Variants in AHCY observed in about 807,000 individuals in gnomAD.
AHCY encodes the protein S-adenosyl-L-homocysteine hydrolase.
Under a neutral mutation model 45.4 loss-of-function variants are expected in AHCY, and 24 were observed. The ratio of observed to expected loss-of-function variants is 0.53; its 90% CI spans 0.38 to 0.74. The LOEUF is 0.74. Ranked by LOEUF, AHCY falls within the 30% of genes least tolerant of loss-of-function variation. The pLI is 0.00. For missense variants in AHCY, 449 were observed against 594.1 expected, an observed-to-expected ratio of 0.76 and a Z score of 2.54; for synonymous variants, 245 against 235.1, an observed-to-expected ratio of 1.04 and a Z score of -0.39.
At chr20:34,276,092 C>T (rs1282588575), downstream of AHCY, among the ~76,000 whole-genome samples, 1 of 152,146 alleles carries the variant, frequency 6.6e-6, no homozygotes. Flanking sequence ...GAAGACAGTA[C>T]CTTTTCTGTT....
At chr20:34,247,817 A>G in the AHCY span, among the ~76,000 whole-genome samples, 1 of 152,010 alleles carries the variant, frequency 6.6e-6, no homozygotes, top group Non-Finnish European at 1.5e-5. Context: ...GGCTGGTCTC[A>G]AACTCCTGGT....
chr20:34,270,584 A>T, the AHCY span, among the ~76,000 whole-genome samples: 2 of 152,232 alleles, frequency 1.3e-5, no homozygotes, highest in East Asian at 3.8e-4. Context: ...GTCGATTAGT[A>T]ACAAAGCCAC....
chr20:34,269,867 C>T, the AHCY span, among the ~76,000 whole-genome samples: 1,561 of 143,280 alleles, frequency 0.011, 28 homozygotes, highest in African/African-American at 0.039. Flanking sequence ...TCGCTTGAAC[C>T]CGGGAGGCGG....
In AHCY at chr20:34,290,335, C is replaced by A. The variant is rs746288986; in HGVS notation, c.969G>T (p.Pro323=). Residue 323 remains proline (P), a synonymous_variant, in exon 8 of 10, where the codon CCG becomes CCT. Transcript: ENST00000217426. The surrounding 1 kb of genome is among the most constrained non-coding windows in gnomAD (Gnocchi z 4.5). ...TGGCAAGGCGGGAGCTTCTCACCTG[C>A]GGCTTGATGTTCACCTTCTCCACGG... ...ENAVEKVNIK[P]QVDRYRLKNG... is the part of the protein sequence containing the mutation. The A allele has an allele frequency of 2.5e-6, 4 of 1,613,840 alleles. No homozygotes were observed. The highest frequency in any genetic ancestry group is 1.1e-5 in the South Asian group (1 of 91,088).
chr20:34,235,522 G>A, the AHCY span, among the ~76,000 whole-genome samples: 4 of 152,094 alleles, frequency 2.6e-5, no homozygotes, highest in Admixed American at 6.6e-5. Context: ...ATGGGATATG[G>A]AGAAACTTCT....
At chr20:34,294,214 C>T (rs1264923657) in intron 2 of AHCY, 58 bp from the exon 3 acceptor site, 17 of 1,526,360 alleles carry the variant, frequency 1.1e-5, no homozygotes, top group African/African-American at 4.1e-5. Context: ...GCACCAGGGA[C>T]GCTGGGCGAG....
At chr20:34,255,428 T>C in the AHCY span, among the ~76,000 whole-genome samples, 1 of 152,080 alleles carries the variant, frequency 6.6e-6, no homozygotes, top group African/African-American at 2.4e-5. Flanking sequence ...CCCAAGAGGC[T>C]GGGACCACAG....
chr20:34,235,831 A>G, the AHCY span, among the ~76,000 whole-genome samples: 1 of 67,630 alleles, frequency 1.5e-5, no homozygotes, highest in East Asian at 3.8e-4. Context: ...GAAAGAAAGA[A>G]AGAAAGAAAG....
chr20:34,295,442 C>T lies in AHCY; in HGVS notation c.172G>A (p.Val58Met), dbSNP rs751771176. 18 of 1,614,106 alleles carry T rather than the reference C, an allele frequency of 1.1e-5. No homozygotes were observed. The highest frequency in any genetic ancestry group is 3.3e-5 in the Admixed American group (2 of 60,022). ...GTCTCAATGAGGACGGCCGTCTCCA[C>T]GGTCATGTGCAGGCAGCCAGCGATG... is the stretch of plus-strand genomic sequence containing the variant. ...ARIAGCLHMT[V>M]ETAVLIETLV... Residue 58 changes from valine to methionine, a missense_variant, in exon 2 of 10, where the codon GTG becomes ATG. Transcript: ENST00000217426.
upstream of AHCY, among the ~76,000 whole-genome samples, chr20:34,303,830 C>CA (rs574258686): frequency 1.6e-3 from 237 of 151,446 alleles, no homozygotes; most frequent in Non-Finnish European, 2.5e-3. Context: ...CTGAACTCTA[C>CA]AAAAAAAAAT....
intron 1 of AHCY, among the ~76,000 whole-genome samples, chr20:34,309,354 T>C (rs984128382): frequency 4.6e-5 from 7 of 152,186 alleles, no homozygotes; most frequent in Admixed American, 2.6e-4. Context: ...GTTTTCTTAG[T>C]GGATTGACCT....
intron 4 of AHCY, 33 bp downstream of exon 4, chr20:34,292,325 C>G (rs772704608): frequency 6.2e-7 from 1 of 1,607,966 alleles, no homozygotes. Context: ...CCCAGGCCAC[C>G]AGCACCCAGC....
Position 34,308,402 on chromosome 20 carries a change from T to C in AHCY, c.-57+3070A>G, listed in dbSNP as rs530504466. 5.7e-4 allele frequency among the ~76,000 whole-genome samples: 86 copies of C among 152,146 alleles called. 1 individual carries two copies. Among genetic ancestry groups the C allele is most frequent in the Non-Finnish European group, 9.9e-4 (67 of 67,984 alleles). ...CGCATCTCTACTAAAAATACAAAAT[T>C]AGCCGGGCATGGTGGCATGCACCTG... On this transcript the variant is annotated intron_variant, in intron 1 of 9. Coordinates refer to the AHCY transcript ENST00000538132.
the AHCY span, among the ~76,000 whole-genome samples, chr20:34,252,254 G>A: frequency 3.8e-4 from 58 of 152,290 alleles, no homozygotes; most frequent in South Asian, 1.9e-3. Flanking sequence ...CAGAGGACCC[G>A]CACTGGTGCC....
chr20:34,302,857 G>A (rs60847955), intron 1 of AHCY: 4 of 985,378 alleles, frequency 4.1e-6, no homozygotes, highest in African/African-American at 3.5e-5. Context: ...CGCTCGTCGG[G>A]GCCGCCCAGC....
Position 34,280,957 on chromosome 20 carries a change from G to C in AHCY, c.*77C>G. On this transcript the variant is annotated 3_prime_UTR_variant, in exon 10 of 10. Transcript: ENST00000217426. ...CACTGACAAACCAATCACAAAGTTG[G>C]TGCCATTAGCTCTTAGGGAGGAGAG... The C allele has an allele frequency of 6.3e-7, 1 of 1,598,994 alleles. No homozygotes were observed. The highest frequency in any genetic ancestry group is 8.5e-7 in the Non-Finnish European group (1 of 1,172,430).
intron 1 of AHCY, among the ~76,000 whole-genome samples, chr20:34,298,895 C>A (rs1459699642): frequency 1.3e-5 from 2 of 152,170 alleles, no homozygotes; most frequent in Admixed American, 1.3e-4. Flanking sequence ...GTCTCCTCTC[C>A]CTCCCTGCCT....
At position 34,286,156 on chromosome 20, in the gene AHCY, C is replaced by T. The variant is rs2036177586; in HGVS notation, c.973-522G>A. ...AAGAAATGCTGAGCTGCAGACTGCACAGTTCTGCTGTGAGAACTTCACGTG... is the reference window on the plus strand; with the variant it reads ...AAGAAATGCTGAGCTGCAGACTGCATAGTTCTGCTGTGAGAACTTCACGTG... On this transcript the variant is annotated intron_variant, in intron 8 of 9. Transcript: ENST00000217426. 5 of 211,388 alleles carry T rather than the reference C, an allele frequency of 2.4e-5. No individual in the cohort carries two copies. In the South Asian group the frequency reaches 3.7e-4, roughly 15 times the overall value. The allele number at this position is 211,388 out of a possible 1,614,324, so 13.1% of individuals were successfully genotyped here. A position where few individuals can be genotyped will look rare whatever the true frequency, so the allele number is the denominator to read the frequency against.
chr20:34,289,768 G>A (rs1419045402), intron 8 of AHCY, among the ~76,000 whole-genome samples: 1 of 151,792 alleles, frequency 6.6e-6, no homozygotes, highest in African/African-American at 2.4e-5. Context: ...ATGAGCTACC[G>A]CACCCGGCCC....
Sources: gnomAD v4.1 joint callset for allele counts (sites outside exome capture counted in the v4.1 genomes callset) on GRCh38, gnomAD v4.1.1 for gene constraint, Gnocchi (gnomAD v3.1) non-coding constraint, MANE v1.5 for transcripts, NCBI Gene and HGNC (gene_info 2026-07-23, HGNC 2026-07-21) for gene names.